Variants in SOS2 observed in about 807,000 individuals in gnomAD.
SOS2 encodes the protein SOS Ras/Rho guanine nucleotide exchange factor 2, also known as son of sevenless homolog 2.
A neutral mutation model predicts 148.2 loss-of-function variants in SOS2; 65 were observed. That is an observed-to-expected ratio of 0.44 (90% confidence interval 0.36 to 0.54). The LOEUF (loss-of-function observed/expected upper bound fraction) is 0.54. Among genes scored for constraint, SOS2 ranks in the 20% least tolerant of loss-of-function variants. SOS2 has a pLI of 0.00. For missense variants in SOS2, 1,341 were observed against 1,590.2 expected (o/e 0.84, Z 2.67); for synonymous variants, 539 against 537.1 (o/e 1.00, Z -0.05).
rs562092852 is a variant in SOS2 at position 50,198,663 on chromosome 14, C to G, written c.510+1028G>C. Among the ~76,000 whole-genome samples the G allele has an allele frequency of 2.0e-5, 3 of 152,236 alleles. No homozygotes were observed. In the South Asian group the frequency reaches 6.2e-4, roughly 32 times the overall value. On this transcript the variant is annotated intron_variant, in intron 4 of 22. Transcript: ENST00000216373. The stretch of plus-strand genomic sequence containing the variant: ...CATGTGCTAGGTCCTGAAGGTTGTT[C>G]ACCCTGAGAGAGTTTCATTTAGGCA...
In SOS2 at chr14:50,204,289, C is replaced by G. The variant is rs1179049396; in HGVS notation, c.208G>C (p.Val70Leu). Residue 70 changes from valine (V) to leucine (L), a missense_variant, in exon 2 of 23, where the codon GTA becomes CTA. Physicochemically the swap from Val to Leu is conservative, Grantham distance 32. This residue lies in a region of SOS2 where 574 missense variants were observed against 711.1 expected (regional missense o/e 0.81). Transcript: ENST00000216373. ...AATGACAAAATAATTTTTACCTCTA[C>G]ATCTTGAACAGTCCTTGGCTGGGCC... Reference protein sequence around the residue: ...CMAQPRTVQDVEERVQKTFPH... With the variant: ...CMAQPRTVQDLEERVQKTFPH... The G allele has an allele frequency of 6.4e-7, 1 of 1,571,340 alleles. No individual in the cohort carries two copies. Among genetic ancestry groups the G allele is most frequent in the Non-Finnish European group, 8.6e-7 (1 of 1,162,762 alleles).
At chr14:50,225,689 G>C (rs1321824656) in intron 1 of SOS2, among the ~76,000 whole-genome samples, 4 of 152,126 alleles carry the variant, frequency 2.6e-5, no homozygotes, top group African/African-American at 9.7e-5. Flanking sequence ...AGCGGCTTTA[G>C]GAATTCCAGA....
chr14:50,126,475 T>C (rs1471395073), intron 21 of SOS2, among the ~76,000 whole-genome samples: 1 of 152,034 alleles, frequency 6.6e-6, no homozygotes, highest in Non-Finnish European at 1.5e-5. Context: ...CCCATAAACA[T>C]ATACAATTAT....
chr14:50,168,342 C>G (rs1420656660), intron 8 of SOS2, among the ~76,000 whole-genome samples: 1 of 152,186 alleles, frequency 6.6e-6, no homozygotes, highest in Non-Finnish European at 1.5e-5. Context: ...TCATCTCAGT[C>G]TCACAAGTAG....
intron 1 of SOS2, 47 bp downstream of exon 1, chr14:50,231,150 C>A (rs752947719): frequency 9.2e-7 from 1 of 1,089,642 alleles, no homozygotes; most frequent in Non-Finnish European, 1.2e-6. Context: ...GTTAGAAGCT[C>A]GGGGGGCCAC....
At chr14:50,170,610 C>T (rs1885329572) in intron 8 of SOS2, among the ~76,000 whole-genome samples, 1 of 151,988 alleles carries the variant, frequency 6.6e-6, no homozygotes, top group Admixed American at 6.6e-5. Flanking sequence ...GAGGTCAAGG[C>T]TGCAGTAAGC....
chr14:50,156,978 T>C lies in SOS2; in HGVS notation c.2057+21A>G, dbSNP rs1052391884. The C allele has an allele frequency of 4.3e-6, 6 of 1,397,006 alleles. No individual in the cohort carries two copies. The African/African-American group carries it at 7.1e-5, about 17-fold the overall frequency. The allele number at this position is 1,397,006 out of a possible 1,614,324, so 86.5% of individuals were successfully genotyped here. On this transcript the variant is annotated intron_variant, in intron 12 of 22. Transcript: ENST00000216373. The stretch of plus-strand genomic sequence containing the variant: ...ATATATATGTGTATATATATATATA[T>C]AAAAAATATTCAAGCCAAACCTAAG...
intron 7 of SOS2, among the ~76,000 whole-genome samples, chr14:50,175,396 GGTACTCA>G (rs1213664795): frequency 6.8e-6 from 1 of 148,128 alleles, no homozygotes; most frequent in Non-Finnish European, 1.5e-5. Flanking sequence ...TCTTTTGCTT[GGTACTCA>G]GTGAACTCTC....
At chr14:50,174,368 C>G (rs1885459968) in intron 8 of SOS2, 86 bp downstream of exon 8, 1 of 518,542 alleles carries the variant, frequency 1.9e-6, no homozygotes, top group Non-Finnish European at 3.4e-6. Flanking sequence ...AATTAAAAGA[C>G]TGGTACTGTG....
chr14:50,228,006 T>C (rs1005163828), intron 1 of SOS2, among the ~76,000 whole-genome samples: 1 of 152,058 alleles, frequency 6.6e-6, no homozygotes, highest in East Asian at 1.9e-4. Context: ...ATCTATAAGA[T>C]TAAGTTACAG....
chr14:50,153,218 C>G (rs778767897), intron 12 of SOS2, 45 bp from the exon 13 acceptor site: 1 of 1,039,524 alleles, frequency 9.6e-7, no homozygotes. Context: ...CATAAGTGTT[C>G]AATTACACTT....
chr14:50,171,440 T>A (rs1386943128), intron 8 of SOS2, among the ~76,000 whole-genome samples: 1 of 151,520 alleles, frequency 6.6e-6, no homozygotes, highest in African/African-American at 2.4e-5. Flanking sequence ...AATCCCAGCA[T>A]CTCGGGAGGC....
chr14:50,131,562 T>C (rs1273964719), intron 19 of SOS2, among the ~76,000 whole-genome samples: 1 of 146,726 alleles, frequency 6.8e-6, no homozygotes, highest in Non-Finnish European at 1.5e-5. Context: ...ACATATCTAG[T>C]TTGAGATACT....
At chr14:50,220,405 C>CAAAGAAAAAAAA (rs1887168358) in intron 1 of SOS2, among the ~76,000 whole-genome samples, 1 of 30,444 alleles carries the variant, frequency 3.3e-5, no homozygotes, top group Non-Finnish European at 5.5e-5. Flanking sequence ...GACTCCATCT[C>CAAAGAAAAAAAA]AAAAAAAAAA....
In SOS2 at chr14:50,129,992, G is replaced by A. The variant is rs752646105; in HGVS notation, c.3348C>T (p.Ser1116=). Residue 1116 remains serine (S), a synonymous_variant, in exon 21 of 23, where the codon AGC becomes AGT. Coordinates refer to ENST00000216373, the MANE Select transcript of SOS2 (RefSeq NM_006939.4). ...VDLNSSCGSN[S]IFAPVLLPHS... is the part of the protein sequence containing the mutation. ...GTGGCAAAAGCACTGGAGCAAAGAT[G>A]CTATTGCTGCCTATTGGAATAAGAA... The A allele has an allele frequency of 5.7e-6, 9 of 1,590,884 alleles. No individual in the cohort carries two copies. Among genetic ancestry groups the A allele is most frequent in the East Asian group, 2.2e-5 (1 of 44,484 alleles).
At chr14:50,162,853 T>C (rs1257674180) in intron 8 of SOS2, among the ~76,000 whole-genome samples, 19 of 151,894 alleles carry the variant, frequency 1.3e-4, no homozygotes, top group African/African-American at 7.2e-5. Context: ...AATTTACTTA[T>C]AATAAATAAT....
intron 8 of SOS2, among the ~76,000 whole-genome samples, chr14:50,165,953 A>G (rs978104571): frequency 1.3e-5 from 2 of 152,168 alleles, no homozygotes; most frequent in African/African-American, 2.4e-5. Flanking sequence ...AGGAGCTCTG[A>G]CCCCAAAGTC....
At chr14:50,171,562 T>C (rs1885363472) in intron 8 of SOS2, among the ~76,000 whole-genome samples, 1 of 151,438 alleles carries the variant, frequency 6.6e-6, no homozygotes, top group South Asian at 2.1e-4. Flanking sequence ...CATGCACCTG[T>C]AGTCCCAGCT....
At chr14:50,156,383 T>C (rs1884821574) in intron 12 of SOS2, 1 of 152,054 alleles carries the variant, frequency 6.6e-6, no homozygotes, top group Non-Finnish European at 1.5e-5. Flanking sequence ...TCCTTATATA[T>C]AAAGTAGGAA....
Sources: allele counts gnomAD v4.1 joint callset (sites outside exome capture counted in the v4.1 genomes callset), GRCh38; gene constraint gnomAD v4.1.1; regional missense constraint gnomAD v4.1.1; transcripts MANE v1.5; gene names NCBI Gene and HGNC (gene_info 2026-07-23, HGNC 2026-07-21).